Variants in USP35 observed in about 807,000 individuals in gnomAD.
The protein encoded by USP35 is ubiquitin specific peptidase 35, also known as ubiquitin carboxyl-terminal hydrolase 35.
USP35 carries 69 observed loss-of-function variants against 83.8 expected under a neutral mutation model. The observed-to-expected ratio is 0.82, with a 90% CI of 0.68 to 1.01. The LOEUF (loss-of-function observed/expected upper bound fraction) is 1.01. USP35 is among the 50% of genes least tolerant of loss of function. The pLI is 0.00. For synonymous variants in USP35, 714 were observed against 589.5 expected, an observed-to-expected ratio of 1.21 and a Z score of -3.06; for missense variants, 1,503 against 1,362.5, an observed-to-expected ratio of 1.10 and a Z score of -1.62.
chr11:78,214,010 A>T lies in USP35; in HGVS notation c.*197A>T. 1 of 578,216 alleles carries T rather than the reference A, an allele frequency of 1.7e-6. No individual in the cohort carries two copies. The highest frequency in any genetic ancestry group is 2.7e-6 in the Non-Finnish European group (1 of 369,702). The allele number at this position is 578,216 out of a possible 1,614,324, so 35.8% of individuals were successfully genotyped here. On this transcript the variant is annotated 3_prime_UTR_variant, in exon 11 of 11. Transcript: ENST00000529308. The stretch of plus-strand genomic sequence containing the variant: ...GTCCCTTTCATTGGGGATCAGTCCC[A>T]TTAAAACTTTACACCCAAGTGTCCT...
chr11:78,211,510 G>A (rs961787273), intron 10 of USP35, among the ~76,000 whole-genome samples: 4 of 152,114 alleles, frequency 2.6e-5, no homozygotes, highest in African/African-American at 9.7e-5. Flanking sequence ...CTGCCTCTAG[G>A]TCTTTGAGGA....
Position 78,201,746 on chromosome 11 carries a change from A to T in USP35, c.1197+938A>T, listed in dbSNP as rs116032939. On this transcript the variant is annotated intron_variant, in intron 6 of 10. Transcript: ENST00000529308. ...AGATGATACGGTTCATTTCAATCTC[A>T]TAGATGAGGAAAAGGAGACTTGGAG... 4.3e-3 allele frequency among the ~76,000 whole-genome samples: 649 copies of T among 152,278 alleles called. 6 individuals are homozygous for T. The highest frequency in any genetic ancestry group is 0.015 in the African/African-American group (616 of 41,544).
intron 10 of USP35, among the ~76,000 whole-genome samples, chr11:78,212,121 G>C (rs952299370): frequency 1.3e-5 from 2 of 151,936 alleles, no homozygotes; most frequent in Non-Finnish European, 2.9e-5. Flanking sequence ...TTTGTATAAG[G>C]TATAAGGAGG....
At chr11:78,213,546 G>A in intron 10 of USP35, 100 bp from the exon 11 acceptor site, 1 of 1,334,756 alleles carries the variant, frequency 7.5e-7, no homozygotes, top group East Asian at 2.8e-5. Context: ...CAGGCCCTGG[G>A]GACCTAGAGG....
In USP35 at chr11:78,205,833, C is replaced by T; in HGVS notation, c.1198-9C>T. 2 of 1,603,384 alleles carry T rather than the reference C, an allele frequency of 1.2e-6. No homozygotes were observed. Among genetic ancestry groups the T allele is most frequent in the Non-Finnish European group, 1.7e-6 (2 of 1,172,174 alleles). On this transcript the variant is annotated splice_polypyrimidine_tract_variant and intron_variant, in intron 6 of 10. Coordinates refer to ENST00000529308, the MANE Select transcript of USP35 (RefSeq NM_020798.4). ...CACCATCCTGCCTGCCTGCTTATTC[C>T]CTCCTCAGGACCTCCATGTTCCCAA... is the stretch of plus-strand genomic sequence containing the variant.
At chr11:78,213,576 G>T (rs1863896464) in intron 10 of USP35, 70 bp from the exon 11 acceptor site, 4 of 1,421,130 alleles carry the variant, frequency 2.8e-6, no homozygotes, top group Non-Finnish European at 1.8e-6. Flanking sequence ...AAGGTGTTGT[G>T]CTGGGTAGAC....
the USP35 span, among the ~76,000 whole-genome samples, chr11:78,230,459 T>C: frequency 6.6e-6 from 1 of 152,260 alleles, no homozygotes; most frequent in East Asian, 1.9e-4. Context: ...TACAGGTCCC[T>C]AATTCTCCTT....
At position 78,209,733 on chromosome 11, in the gene USP35, G is replaced by T; in HGVS notation, c.1878G>T (p.Leu626Phe). ...RPTEDITARE[L>F]PPPTSAQGPG... ...CAGAAGACATCACAGCCCGGGAGTT[G>T]CCCCCACCAACCAGTGCACAGGGGC... is the stretch of plus-strand genomic sequence containing the variant. The change falls in exon 10 of 11, where the codon TTG becomes TTT. Residue 626 changes from leucine (L) to phenylalanine (F), a missense_variant. Physicochemically the swap from Leu to Phe is conservative, Grantham distance 22. Coordinates refer to ENST00000529308, the MANE Select transcript of USP35 (RefSeq NM_020798.4). The T allele has an allele frequency of 6.2e-7, 1 of 1,614,034 alleles. No individual in the cohort carries two copies. Among genetic ancestry groups the T allele is most frequent in the Non-Finnish European group, 8.5e-7 (1 of 1,179,980 alleles).
chr11:78,232,398 A>C, the USP35 span, among the ~76,000 whole-genome samples: 4 of 152,214 alleles, frequency 2.6e-5, no homozygotes, highest in Admixed American at 2.6e-4. Flanking sequence ...GAAGACAGAC[A>C]CTGGCTAGAA....
At chr11:78,211,932 C>G (rs542573531) in intron 10 of USP35, among the ~76,000 whole-genome samples, 55 of 152,262 alleles carry the variant, frequency 3.6e-4, no homozygotes, top group Middle Eastern at 6.8e-3. Context: ...TCCGCATAAG[C>G]TCTTTAGTTT....
chr11:78,222,170 C>T, the USP35 span: 5 of 1,613,918 alleles, frequency 3.1e-6, no homozygotes, highest in Non-Finnish European at 4.2e-6. Context: ...CGGTGTTGTT[C>T]CTCAGGTCAA....
Position 78,196,559 on chromosome 11 carries a change from A to T in USP35, c.314A>T (p.Gln105Leu). 1 of 1,246,368 alleles carries T rather than the reference A, an allele frequency of 8.0e-7. No homozygotes were observed. Among genetic ancestry groups the T allele is most frequent in the Non-Finnish European group, 1.0e-6 (1 of 990,552 alleles). The allele number at this position is 1,246,368 out of a possible 1,614,324, so 77.2% of individuals were successfully genotyped here. The change falls in exon 2 of 11, where the codon CAG (glutamine) becomes CTG (leucine). Residue 105 changes from glutamine to leucine, a missense_variant. Coordinates refer to ENST00000529308, the MANE Select transcript of USP35 (RefSeq NM_020798.4). This position sits in a 1 kb window ranked among gnomAD's most constrained non-coding sequence, Gnocchi z 4.8. ...GGCCCCCGCGCGCTCGCCTGCGTGC[A>T]GCTGGGTCTGCAGCTGCTGCCCGAG... The part of the protein sequence containing the change: ...PPGPRALACV[Q>L]LGLQLLPEGP...
intron 4 of USP35, 73 bp from the exon 5 acceptor site, chr11:78,200,060 C>T: frequency 1.3e-6 from 2 of 1,528,458 alleles, no homozygotes; most frequent in Non-Finnish European, 1.8e-6. Context: ...TCTGAGTCCC[C>T]TCTCAGGCTT....
chr11:78,220,079 C>T (rs73509319), downstream of USP35, among the ~76,000 whole-genome samples: 7,115 of 152,196 alleles, frequency 0.047, 558 homozygotes, highest in African/African-American at 0.16. Context: ...CTCTACAACA[C>T]GGGGGATGGG....
chr11:78,211,717 T>A (rs1863784463), intron 10 of USP35, among the ~76,000 whole-genome samples: 1 of 152,252 alleles, frequency 6.6e-6, no homozygotes, highest in Non-Finnish European at 1.5e-5. Context: ...AATTTTTCTT[T>A]CGTACGTTTG....
chr11:78,220,513 C>G, the USP35 span: 5 of 1,376,254 alleles, frequency 3.6e-6, no homozygotes, highest in African/African-American at 1.5e-5. Context: ...AGAAAAACAC[C>G]TCTGGGAGTA....
At chr11:78,235,448 G>A in the USP35 span, among the ~76,000 whole-genome samples, 137 of 152,218 alleles carry the variant, frequency 9.0e-4, no homozygotes, top group African/African-American at 3.2e-3. Flanking sequence ...CACTGCGCCC[G>A]GCTGGGTGTT....
chr11:78,195,936 C>T (rs959639278), intron 1 of USP35, among the ~76,000 whole-genome samples: 2 of 152,180 alleles, frequency 1.3e-5, no homozygotes, highest in Non-Finnish European at 1.5e-5. Context: ...CGCTGTTGCT[C>T]AGGCTGGTCT....
intron 9 of USP35, 74 bp from the exon 10 acceptor site, chr11:78,209,374 T>C (rs1863645063): frequency 1.4e-6 from 2 of 1,438,792 alleles, no homozygotes; most frequent in Non-Finnish European, 1.9e-6. Flanking sequence ...GGAAGGTAAA[T>C]GGGCATGGAT....
Sources: allele counts gnomAD v4.1 joint callset (sites outside exome capture counted in the v4.1 genomes callset), GRCh38; gene constraint gnomAD v4.1.1; non-coding constraint Gnocchi (gnomAD v3.1); transcripts MANE v1.5; gene names NCBI Gene and HGNC (gene_info 2026-07-23, HGNC 2026-07-21).